ERBB4: variants seen among roughly 807,000 people sequenced by gnomAD.
ERBB4 encodes the protein receptor tyrosine-protein kinase erbB-4.
A neutral mutation model predicts 158.0 loss-of-function variants in ERBB4; 42 were observed. That is an observed-to-expected ratio of 0.27 (90% CI 0.21 to 0.34). The LOEUF (loss-of-function observed/expected upper bound fraction) is 0.34. Among genes scored for constraint, ERBB4 ranks in the 10% least tolerant of loss-of-function variants. The pLI is 1.00. For synonymous variants in ERBB4, 583 were observed against 558.7 expected (o/e 1.04, Z -0.61); for missense variants, 1,333 against 1,624.1 (o/e 0.82, Z 3.08).
intron 12 of ERBB4, among the ~76,000 whole-genome samples, chr2:211,684,589 C>A (rs1559416301): frequency 6.6e-6 from 1 of 152,218 alleles, no homozygotes; most frequent in Non-Finnish European, 1.5e-5. Flanking sequence ...GTCTCAGAGT[C>A]ATGCAGACCC....
intron 1 of ERBB4, among the ~76,000 whole-genome samples, chr2:212,221,866 A>G (rs964514716): frequency 2.6e-5 from 4 of 151,430 alleles, no homozygotes; most frequent in African/African-American, 9.7e-5. Flanking sequence ...TTACTTCTAT[A>G]TCCTCCAAAA....
At chr2:211,906,092 A>G (rs1300183590) in intron 3 of ERBB4, among the ~76,000 whole-genome samples, 1 of 152,074 alleles carries the variant, frequency 6.6e-6, no homozygotes, top group African/African-American at 2.4e-5. Flanking sequence ...TCACAATCTG[A>G]AAAGCAGCAT....
intron 1 of ERBB4, among the ~76,000 whole-genome samples, chr2:212,157,217 A>G (rs2081062985): frequency 1.3e-5 from 2 of 152,038 alleles, no homozygotes; most frequent in Admixed American, 1.3e-4. Flanking sequence ...GCCATGGCAC[A>G]TGCTTTCCCT....
intron 2 of ERBB4, among the ~76,000 whole-genome samples, chr2:211,993,863 AG>A (rs1490736195): frequency 6.6e-6 from 1 of 151,738 alleles, no homozygotes; most frequent in African/African-American, 2.4e-5. Context: ...TTAGAAAAAA[AG>A]AATTAGATTC....
intron 1 of ERBB4, among the ~76,000 whole-genome samples, chr2:212,254,804 T>A (rs1371401542): frequency 1.3e-5 from 2 of 152,144 alleles, no homozygotes; most frequent in Non-Finnish European, 2.9e-5. Context: ...AGGTCTGATT[T>A]CACAAGAGTC....
At chr2:211,655,691 A>G (rs1463976622) in intron 16 of ERBB4, among the ~76,000 whole-genome samples, 1 of 152,228 alleles carries the variant, frequency 6.6e-6, no homozygotes, top group Non-Finnish European at 1.5e-5. Flanking sequence ...GGGTCTCAAG[A>G]AGGAAAATTT....
intron 1 of ERBB4, among the ~76,000 whole-genome samples, chr2:212,244,155 T>A (rs2084223321): frequency 6.6e-6 from 1 of 152,118 alleles, no homozygotes; most frequent in East Asian, 1.9e-4. Context: ...TAATAATGAA[T>A]AATGGGCATA....
intron 22 of ERBB4, among the ~76,000 whole-genome samples, chr2:211,427,366 A>ATGAT (rs2063652231): frequency 6.6e-6 from 1 of 152,126 alleles, no homozygotes; most frequent in Admixed American, 6.5e-5. Context: ...CTAATTTTAT[A>ATGAT]TGATATATTT....
At chr2:211,543,762 C>A (rs889178038) in intron 20 of ERBB4, among the ~76,000 whole-genome samples, 11 of 148,728 alleles carry the variant, frequency 7.4e-5, no homozygotes, top group African/African-American at 2.7e-4. Flanking sequence ...CTCTAGCAGG[C>A]GCTGCTGTAA....
chr2:211,427,622 T>C (rs894900421), intron 22 of ERBB4, among the ~76,000 whole-genome samples: 3 of 152,202 alleles, frequency 2.0e-5, no homozygotes, highest in Admixed American at 1.3e-4. Flanking sequence ...ACCATGTTCA[T>C]TGCTCTAACT....
intron 3 of ERBB4, among the ~76,000 whole-genome samples, chr2:211,820,282 G>C (rs927998273): frequency 6.6e-6 from 1 of 151,832 alleles, no homozygotes; most frequent in Non-Finnish European, 1.5e-5. Context: ...GAATGAAATA[G>C]TGTCTCTTCT....
intron 19 of ERBB4, among the ~76,000 whole-genome samples, chr2:211,568,131 C>A (rs2067606830): frequency 6.7e-6 from 1 of 150,126 alleles, no homozygotes; most frequent in African/African-American, 2.5e-5. Context: ...TTCCTTTTTG[C>A]TTTACAATTT....
chr2:211,846,826 A>T (rs185133626), intron 3 of ERBB4, among the ~76,000 whole-genome samples: 25 of 152,262 alleles, frequency 1.6e-4, no homozygotes, highest in East Asian at 9.7e-4. Context: ...TGAAAAGTTT[A>T]AAAAAATCCA....
chr2:211,497,247 A>C (rs2065492116), intron 20 of ERBB4, among the ~76,000 whole-genome samples: 1 of 152,154 alleles, frequency 6.6e-6, no homozygotes, highest in African/African-American at 2.4e-5. Flanking sequence ...ATTCTTAAGA[A>C]ATACAGGTTT....
intron 2 of ERBB4, among the ~76,000 whole-genome samples, chr2:212,103,698 T>C (rs1366292981): frequency 2.0e-5 from 3 of 147,844 alleles, no homozygotes; most frequent in Admixed American, 6.7e-5. Context: ...TTCTCCGTTA[T>C]GCAATCCAAT....
intron 4 of ERBB4, among the ~76,000 whole-genome samples, chr2:211,780,566 T>TA (rs35344583): frequency 0.18 from 26,884 of 152,148 alleles, 2,604 homozygotes; most frequent in South Asian, 0.36. Context: ...AGCCTCTTCT[T>TA]ATAAATAGAG....
intron 1 of ERBB4, among the ~76,000 whole-genome samples, chr2:212,506,652 C>T (rs557655390): frequency 2.2e-4 from 33 of 152,204 alleles, no homozygotes; most frequent in African/African-American, 7.5e-4. Flanking sequence ...AGAGAAAGGC[C>T]CCAAGCCTCC....
chr2:211,598,973 T>C (rs1237290539), intron 19 of ERBB4, among the ~76,000 whole-genome samples: 1 of 152,204 alleles, frequency 6.6e-6, no homozygotes, highest in African/African-American at 2.4e-5. Context: ...ACTTTGGACC[T>C]GCATCCACCC....
At chr2:212,417,370 T>G (rs77959765) in intron 1 of ERBB4, among the ~76,000 whole-genome samples, 14,108 of 152,074 alleles carry the variant, frequency 0.093, 900 homozygotes, top group Non-Finnish European at 0.15. Flanking sequence ...AAAAAGTAAC[T>G]ACACATTGAG....
Sources: allele counts gnomAD v4.1 joint callset (sites outside exome capture counted in the v4.1 genomes callset), GRCh38; gene constraint gnomAD v4.1.1; transcripts MANE v1.5; gene names NCBI Gene and HGNC (gene_info 2026-07-23, HGNC 2026-07-21).